The following APPL2 variants were observed in gnomAD, a reference collection of about 807,000 sequenced individuals.
APPL2 encodes adaptor protein, phosphotyrosine interacting with PH domain and leucine zipper 2.
Under a neutral mutation model 92.7 loss-of-function variants are expected in APPL2, and 84 were observed. The ratio of observed to expected loss-of-function variants is 0.91; its 90% confidence interval spans 0.76 to 1.09. The LOEUF is 1.09. Ranked by LOEUF, APPL2 falls within the 50% of genes least tolerant of loss-of-function variation. The pLI is 0.00. For synonymous variants in APPL2, 291 were observed against 291.0 expected (o/e 1.00, Z 0.00); for missense variants, 736 against 824.5 (o/e 0.89, Z 1.31).
At chr12:105,233,393 G>C (rs1417835863) in intron 1 of APPL2, 2 of 985,342 alleles carry the variant, frequency 2.0e-6, no homozygotes, top group African/African-American at 3.5e-5. Flanking sequence ...TATGCACACA[G>C]ACTAGTTTTA....
chr12:105,211,135 G>T, intron 5 of APPL2, 95 bp downstream of exon 5: 1 of 883,270 alleles, frequency 1.1e-6, no homozygotes, highest in Non-Finnish European at 1.8e-6. Context: ...GCATTTCTCA[G>T]CGATCCACAC....
At chr12:105,223,797 C>T (rs931066119) in intron 2 of APPL2, among the ~76,000 whole-genome samples, 1 of 152,230 alleles carries the variant, frequency 6.6e-6, no homozygotes, top group African/African-American at 2.4e-5. Context: ...CGGTTCTGTT[C>T]ACACTGAGAG....
chr12:105,229,664 C>CA (rs1890776731), intron 1 of APPL2: 14 of 988,946 alleles, frequency 1.4e-5, no homozygotes, highest in Non-Finnish European at 1.6e-5. Context: ...GTAGTGTGAT[C>CA]ATCCCAGCAG....
chr12:105,189,807 C>T lies in APPL2; in HGVS notation c.1424G>A (p.Gly475Asp). ...TGGAAATGATTCATCCTCAGTTTCA[C>T]CAAAAGGGTTGGTACGCCTAGGGGA... Reference protein sequence around the residue: ...NRGSRRTNPFGETEDESFPEA... With the variant: ...NRGSRRTNPFDETEDESFPEA... The change falls in exon 16 of 21, where the codon GGT becomes GAT. Residue 475 changes from glycine (G) to aspartate (D), a missense_variant. Physicochemically the swap from Gly to Asp is moderately conservative, Grantham distance 94 (BLOSUM62 -1). Transcript: ENST00000258530. 1 of 1,614,128 alleles carries T rather than the reference C, an allele frequency of 6.2e-7. No homozygotes were observed. Among genetic ancestry groups the T allele is most frequent in the Non-Finnish European group, 8.5e-7 (1 of 1,180,030 alleles).
chr12:105,230,853 T>A (rs1467700038), intron 1 of APPL2, among the ~76,000 whole-genome samples: 1 of 152,182 alleles, frequency 6.6e-6, no homozygotes, highest in East Asian at 1.9e-4. Flanking sequence ...CACTGTGCAA[T>A]AATGAATAAG....
At chr12:105,217,371 G>T (rs1043809850) in intron 3 of APPL2, among the ~76,000 whole-genome samples, 2 of 152,030 alleles carry the variant, frequency 1.3e-5, no homozygotes, top group African/African-American at 4.8e-5. Context: ...CATATTTTTT[G>T]ACTTTATTTG....
Position 105,195,324 on chromosome 12 carries a change from G to A in APPL2, c.1178C>T (p.Thr393Ile), listed in dbSNP as rs1185103816. Residue 393 changes from threonine to isoleucine, a missense_variant, in exon 14 of 21, where the codon ACC becomes ATC. Thr to Ile is a moderately conservative substitution (Grantham distance 89, BLOSUM62 -1). Transcript: ENST00000258530. ...PEAVAIKLNQ[T>I]ALQAVTPITS... ...AATGGGAGTCACTGCTTGCAGAGCG[G>A]TCTGATTCAACTTGATCGCGACTGC... The A allele has an allele frequency of 6.2e-7, 1 of 1,614,156 alleles. No individual in the cohort carries two copies.
rs1173025459 is a variant in APPL2 at position 105,174,082 on chromosome 12, GAAA to G, written c.*229_*231del. The G allele has an allele frequency of 4.7e-6, 2 of 425,018 alleles. No homozygotes were observed. Among genetic ancestry groups the G allele is most frequent in the African/African-American group, 4.1e-5 (2 of 48,588 alleles). 26.3% of individuals were successfully genotyped at this position (425,018 alleles called of 1,614,324 possible). A position where few individuals can be genotyped will look rare whatever the true frequency, so the allele number is the denominator to read the frequency against. ...TCTAAGAAATTTTAGCGCAATCTAA[GAAA>G]AAAGACTTACCACAAAGCACCTAAA... On this transcript the variant is annotated 3_prime_UTR_variant, in exon 21 of 21. Coordinates refer to ENST00000258530, the MANE Select transcript of APPL2 (RefSeq NM_018171.5).
At chr12:105,228,003 G>A (rs1309463630) in intron 2 of APPL2, among the ~76,000 whole-genome samples, 1 of 152,146 alleles carries the variant, frequency 6.6e-6, no homozygotes, top group African/African-American at 2.4e-5. Context: ...CCCCTCTAAG[G>A]CTCTCTGGTG....
chr12:105,186,683 T>TATC (rs1379759057), intron 17 of APPL2, among the ~76,000 whole-genome samples: 74 of 39,160 alleles, frequency 1.9e-3, no homozygotes, highest in East Asian at 6.7e-3. Flanking sequence ...TGATATATCA[T>TATC]ATATATATCA....
rs375988140 is a variant in APPL2, at chr12:105,186,622, T to TATG, written c.1634+1650_1634+1651insCAT. Among the ~76,000 whole-genome samples, 239 of 125,676 alleles carry TATG rather than the reference T, an allele frequency of 1.9e-3. 6 individuals carry two copies. Among genetic ancestry groups the TATG allele is most frequent in the African/African-American group, 7.1e-3 (217 of 30,508 alleles). 82.4% of individuals were successfully genotyped at this position (125,676 alleles called of 152,430 possible). A position where few individuals can be genotyped will look rare whatever the true frequency, so the allele number is the denominator to read the frequency against. On this transcript the variant is annotated intron_variant, in intron 17 of 20. Transcript: ENST00000258530. ...TTCCATTAAATATATATATCATATATATATCATATATATCATATATATGAT... is the reference window on the plus strand; with the variant it reads ...TTCCATTAAATATATATATCATATATATGATATCATATATATCATATATATGAT...
chr12:105,209,999 C>T (rs201997190), intron 5 of APPL2, among the ~76,000 whole-genome samples: 3 of 151,696 alleles, frequency 2.0e-5, no homozygotes, highest in African/African-American at 4.8e-5. Flanking sequence ...CTCGCTCTGT[C>T]GCCTGGGCTG....
At chr12:105,233,779 C>A (rs564079044) in intron 1 of APPL2, among the ~76,000 whole-genome samples, 2 of 152,342 alleles carry the variant, frequency 1.3e-5, no homozygotes, top group South Asian at 4.1e-4. Context: ...CAAATTACTT[C>A]TCTGCTCCTT....
Position 105,217,120 on chromosome 12 carries a change from A to T in APPL2, c.234T>A (p.Gly78=), listed in dbSNP as rs1196787004. ...GGAGTGTTGAAATTACTTCTTCATC[A>T]CCTTTGCCAAGAGCAAAGTTCTAAG... ...YEKQNFALGK[G]DEEVISTLHY... Residue 78 remains glycine, a synonymous_variant, in exon 4 of 21, where the codon GGT becomes GGA. Transcript: ENST00000258530. 1 of 1,611,036 alleles carries T rather than the reference A, an allele frequency of 6.2e-7. No individual in the cohort carries two copies. The highest frequency in any genetic ancestry group is 1.1e-5 in the South Asian group (1 of 90,680).
intron 2 of APPL2, among the ~76,000 whole-genome samples, chr12:105,226,774 G>T (rs60999193): frequency 0.11 from 17,353 of 152,120 alleles, 1,111 homozygotes; most frequent in African/African-American, 0.16. Context: ...AAAAATTGAC[G>T]AAGTTCTCAT....
intron 9 of APPL2, among the ~76,000 whole-genome samples, chr12:105,200,631 A>G (rs1049256451): frequency 2.2e-4 from 33 of 152,320 alleles, no homozygotes; most frequent in African/African-American, 7.5e-4. Context: ...CAATCTGCCC[A>G]ACGGGGCCCA....
intron 4 of APPL2, among the ~76,000 whole-genome samples, chr12:105,213,605 T>G (rs753439831): frequency 6.6e-6 from 1 of 152,220 alleles, no homozygotes; most frequent in Non-Finnish European, 1.5e-5. Context: ...AATCTCTGTG[T>G]GACTTATAAC....
At chr12:105,199,619 G>A (rs973387045) in intron 9 of APPL2, 88 bp from the exon 10 acceptor site, 126 of 1,431,076 alleles carry the variant, frequency 8.8e-5, no homozygotes, top group Admixed American at 2.1e-4. Flanking sequence ...CTCCACCCCC[G>A]CAAAGCTTCC....
In APPL2 at chr12:105,173,676, G is replaced by A. The variant is rs1468259020; in HGVS notation, c.*638C>T. On this transcript the variant is annotated 3_prime_UTR_variant, in exon 21 of 21. Coordinates refer to ENST00000258530, the MANE Select transcript of APPL2 (RefSeq NM_018171.5). ...AATGCTGGTTCAGTAAGGCTCCACT[G>A]TAAAATCAAACATCTTTTGTGGTAT... is the stretch of plus-strand genomic sequence containing the variant. 6.6e-6 allele frequency: 1 copy of A among 152,648 alleles called. No homozygotes were observed. The highest frequency in any genetic ancestry group is 2.1e-4 in the South Asian group (1 of 4,832). The allele number at this position is 152,648 out of a possible 1,614,324, so 9.5% of individuals were successfully genotyped here.
Sources: gnomAD v4.1 joint callset for allele counts (sites outside exome capture counted in the v4.1 genomes callset) on GRCh38, gnomAD v4.1.1 for gene constraint, MANE v1.5 for transcripts, NCBI Gene and HGNC (gene_info 2026-07-23, HGNC 2026-07-21) for gene names.